The following SMPD3 variants were observed in gnomAD, a reference collection of about 807,000 sequenced individuals.
The protein encoded by SMPD3 is sphingomyelin phosphodiesterase 3, also known as nSMase-2.
A neutral mutation model predicts 55.7 loss-of-function variants in SMPD3; 21 were observed. The observed-to-expected ratio is 0.38, with a 90% CI of 0.27 to 0.54. SMPD3 has a LOEUF of 0.54. SMPD3 is among the 20% of genes least tolerant of loss of function. SMPD3 has a pLI of 0.80. For synonymous variants in SMPD3, 457 were observed against 404.3 expected (o/e 1.13, Z -1.56); for missense variants, 842 against 899.6 (o/e 0.94, Z 0.82).
chr16:68,410,900 C>T (rs1262364956), intron 1 of SMPD3, among the ~76,000 whole-genome samples: 1 of 152,372 alleles, frequency 6.6e-6, no homozygotes, highest in African/African-American at 2.4e-5. Flanking sequence ...CTCCTAATGA[C>T]GGGCCATGGC....
intron 1 of SMPD3, among the ~76,000 whole-genome samples, chr16:68,415,441 G>A (rs1326802951): frequency 6.6e-6 from 1 of 152,214 alleles, no homozygotes; most frequent in Admixed American, 6.6e-5. Flanking sequence ...GCTGCAGTTT[G>A]AGCCAACTCT....
intron 1 of SMPD3, among the ~76,000 whole-genome samples, chr16:68,424,407 G>A (rs2090419521): frequency 6.6e-6 from 1 of 152,036 alleles, no homozygotes; most frequent in South Asian, 2.1e-4. Flanking sequence ...GGCACTGCCT[G>A]CAGAGCTTTG....
At position 68,371,046 on chromosome 16, in the gene SMPD3, T is replaced by C; in HGVS notation, c.1136A>G (p.His379Arg). 1 of 1,614,230 alleles carries C rather than the reference T, an allele frequency of 6.2e-7. No individual in the cohort carries two copies. The highest frequency in any genetic ancestry group is 8.5e-7 in the Non-Finnish European group (1 of 1,180,036). Residue 379 changes from histidine to arginine, a missense_variant, in exon 3 of 9, where the codon CAC becomes CGC. Transcript: ENST00000219334. ...RAATKLKEQL[H>R]GYFEYILYDV... ...GTACAGGATGTACTCGAAGTAGCCG[T>C]GCAGCTGCTCTTTCAATTTGGTGGC...
At chr16:68,395,720 T>C (rs2090150447) in intron 1 of SMPD3, among the ~76,000 whole-genome samples, 1 of 152,170 alleles carries the variant, frequency 6.6e-6, no homozygotes, top group African/African-American at 2.4e-5. Context: ...AAAAAATACA[T>C]CAAGGGAAAA....
At chr16:68,363,065 G>A (rs2089362373) in intron 7 of SMPD3, among the ~76,000 whole-genome samples, 1 of 152,272 alleles carries the variant, frequency 6.6e-6, no homozygotes, top group South Asian at 2.1e-4. Context: ...ATGGTCGGCT[G>A]TGTTATTGCA....
intron 8 of SMPD3, 71 bp from the exon 9 acceptor site, chr16:68,361,378 G>C: frequency 6.6e-7 from 1 of 1,512,092 alleles, no homozygotes; most frequent in Non-Finnish European, 9.0e-7. Context: ...AGCGGCCTGG[G>C]GATCCCCAAA....
At chr16:68,387,293 T>G (rs2090066013) in intron 1 of SMPD3, among the ~76,000 whole-genome samples, 1 of 152,158 alleles carries the variant, frequency 6.6e-6, no homozygotes. Flanking sequence ...GGACACTTTG[T>G]GAACCCAGCG....
intron 1 of SMPD3, among the ~76,000 whole-genome samples, chr16:68,420,612 C>T (rs2090385462): frequency 6.6e-6 from 1 of 152,208 alleles, no homozygotes; most frequent in Non-Finnish European, 1.5e-5. Flanking sequence ...AGGCCTGCCT[C>T]CTCCAGCTAA....
At chr16:68,373,402 C>A (rs2089725684) in intron 2 of SMPD3, among the ~76,000 whole-genome samples, 2 of 152,236 alleles carry the variant, frequency 1.3e-5, no homozygotes, top group African/African-American at 4.8e-5. Context: ...CGTGTGATCA[C>A]CCCGTCGGGG....
At chr16:68,445,008 T>C (rs1397941422) in intron 1 of SMPD3, among the ~76,000 whole-genome samples, 1 of 152,234 alleles carries the variant, frequency 6.6e-6, no homozygotes, top group Non-Finnish European at 1.5e-5. Context: ...CTGCAAGAAA[T>C]TCCTTCAGAG....
At position 68,444,427 on chromosome 16, in the gene SMPD3, A is replaced by T. The variant is rs573359343; in HGVS notation, c.-269+3926T>A. On this transcript the variant is annotated intron_variant, in intron 1 of 8. Coordinates refer to ENST00000219334, the MANE Select transcript of SMPD3 (RefSeq NM_018667.4). ...ATGCGTGTTCAGATTCTTCAACATG[A>T]CCAGCCCTTCTGGAAATTTCTAAGG... Among the ~76,000 whole-genome samples the T allele has an allele frequency of 2.0e-5, 3 of 152,322 alleles. No homozygotes were observed. In the South Asian group the frequency reaches 6.2e-4, roughly 32 times the overall value.
chr16:68,385,073 AG>A (rs2090028327), intron 2 of SMPD3, among the ~76,000 whole-genome samples: 1 of 152,194 alleles, frequency 6.6e-6, no homozygotes, highest in African/African-American at 2.4e-5. Context: ...ATATCAGAGA[AG>A]GCGTCACCCA....
chr16:68,412,422 A>G (rs1479844821), intron 1 of SMPD3, among the ~76,000 whole-genome samples: 1 of 152,210 alleles, frequency 6.6e-6, no homozygotes, highest in Non-Finnish European at 1.5e-5. Flanking sequence ...GAAATCCAAC[A>G]GATTTCCAGC....
intron 1 of SMPD3, among the ~76,000 whole-genome samples, chr16:68,394,746 A>G (rs2090140610): frequency 1.3e-5 from 2 of 152,214 alleles, no homozygotes; most frequent in Admixed American, 6.5e-5. Context: ...ACTGTATCCT[A>G]TGTACAATAT....
At chr16:68,365,227 G>T in intron 3 of SMPD3, 135 bp from the exon 4 acceptor site, 2 of 828,510 alleles carry the variant, frequency 2.4e-6, no homozygotes, top group Non-Finnish European at 3.9e-6. Flanking sequence ...TGGGGTCCGA[G>T]TAGGGACAGG....
chr16:68,447,295 A>G lies in SMPD3; in HGVS notation c.-269+1058T>C, dbSNP rs536363837. Among the ~76,000 whole-genome samples the G allele has an allele frequency of 1.3e-5, 2 of 152,128 alleles. No individual in the cohort carries two copies. The highest frequency in any genetic ancestry group is 2.9e-5 in the Non-Finnish European group (2 of 67,960). On this transcript the variant is annotated intron_variant, in intron 1 of 8. Transcript: ENST00000219334. The surrounding 1 kb of genome is among the most constrained non-coding windows in gnomAD (Gnocchi z 5.1). ...CAGCCCCCAAAGATTCGCGGGCACG[A>G]GGTTGGGGGTAGCGTCTACCTGGAG... is the stretch of plus-strand genomic sequence containing the variant.
chr16:68,418,900 G>A (rs1261509701), intron 1 of SMPD3, among the ~76,000 whole-genome samples: 1 of 152,202 alleles, frequency 6.6e-6, no homozygotes, highest in Non-Finnish European at 1.5e-5. Flanking sequence ...CCTTCTGTAT[G>A]CTGGGTCTAG....
In SMPD3 at chr16:68,396,710, C is replaced by A. The variant is rs573784211; in HGVS notation, c.-268-10051G>T. ...ATGTCCATCACCAGAAGGTTCGATT[C>A]CCTTTGTACACACCAGGGGGCACAG... On this transcript the variant is annotated intron_variant, in intron 1 of 8. Coordinates refer to ENST00000219334, the MANE Select transcript of SMPD3 (RefSeq NM_018667.4). Among the ~76,000 whole-genome samples the A allele has an allele frequency of 7.9e-5, 12 of 152,342 alleles. No homozygotes were observed. In the East Asian group the frequency reaches 2.3e-3, roughly 29 times the overall value.
At chr16:68,393,089 AG>A (rs1307162230) in intron 1 of SMPD3, among the ~76,000 whole-genome samples, 1 of 152,154 alleles carries the variant, frequency 6.6e-6, no homozygotes, top group Non-Finnish European at 1.5e-5. Flanking sequence ...ATGGGGACCA[AG>A]GGGTACCTGG....
Sources: allele counts gnomAD v4.1 joint callset (sites outside exome capture counted in the v4.1 genomes callset), GRCh38; gene constraint gnomAD v4.1.1; non-coding constraint Gnocchi (gnomAD v3.1); transcripts MANE v1.5; gene names NCBI Gene and HGNC (gene_info 2026-07-23, HGNC 2026-07-21).